The following KANK1 variants were observed in gnomAD, a reference collection of about 807,000 sequenced individuals.
KANK1 encodes KN motif and ankyrin repeat domain-containing protein 1.
In KANK1, 109 loss-of-function variants were observed where a neutral mutation model predicts 106.2. The observed-to-expected ratio is 1.03, with a 90% CI of 0.88 to 1.20. The LOEUF (loss-of-function observed/expected upper bound fraction) is 1.20. KANK1 is among the 50% of genes most tolerant of loss of function. The probability of loss-of-function intolerance (pLI) is 0.00; values close to 1 mark genes in which losing one functional copy is unlikely to be tolerated. For synonymous variants in KANK1, 873 were observed against 652.2 expected, an observed-to-expected ratio of 1.34 and a Z score of -5.16; for missense variants, 2,399 against 1,710.7, an observed-to-expected ratio of 1.40 and a Z score of -7.10.
chr9:693,868 CTGTG>C, intron 2 of KANK1: 1 of 940,354 alleles, frequency 1.1e-6, no homozygotes, highest in Non-Finnish European at 1.3e-6. Flanking sequence ...AACTCGAGCT[CTGTG>C]TGTTGTGAAA....
intron 11 of KANK1, 59 bp downstream of exon 11, chr9:744,648 C>G: frequency 6.2e-7 from 1 of 1,613,564 alleles, no homozygotes; most frequent in Non-Finnish European, 8.5e-7. Flanking sequence ...CTGGTGGACC[C>G]CCTTCCTCCA....
At chr9:511,477 A>C (rs1465664120) in intron 1 of KANK1, among the ~76,000 whole-genome samples, 5 of 152,196 alleles carry the variant, frequency 3.3e-5, no homozygotes, top group African/African-American at 9.7e-5. Context: ...TCTGTGTGTC[A>C]ATTTCCCATC....
At chr9:745,130 G>A (rs1199093943) in intron 11 of KANK1, 43 bp from the exon 12 acceptor site, 1 of 1,607,910 alleles carries the variant, frequency 6.2e-7, no homozygotes, top group Non-Finnish European at 8.5e-7. Context: ...TCTGCCTGAG[G>A]TCACTTATTA....
chr9:713,570 A>G lies in KANK1; in HGVS notation c.2698+106A>G, dbSNP rs972660858. The G allele has an allele frequency of 1.0e-5, 13 of 1,267,504 alleles. No individual in the cohort carries two copies. In the South Asian group the frequency reaches 2.0e-4, roughly 20 times the overall value. 78.5% of individuals were successfully genotyped at this position (1,267,504 alleles called of 1,614,324 possible). A position where few individuals can be genotyped will look rare whatever the true frequency, so the allele number is the denominator to read the frequency against. ...TGCTGGAACCATTTTTGGAGGAGAAATGGAGAAAGTTTTAGAGTGGTAATC... is the reference window on the plus strand; with the variant it reads ...TGCTGGAACCATTTTTGGAGGAGAAGTGGAGAAAGTTTTAGAGTGGTAATC... On this transcript the variant is annotated intron_variant, in intron 3 of 11. Coordinates refer to ENST00000382297, the MANE Select transcript of KANK1 (RefSeq NM_015158.5).
chr9:637,055 C>A (rs1486826610), intron 1 of KANK1, among the ~76,000 whole-genome samples: 2 of 151,992 alleles, frequency 1.3e-5, no homozygotes, highest in African/African-American at 4.8e-5. Flanking sequence ...AGTTATGTGC[C>A]CCTTCTCTCC....
rs993237810 is a variant in KANK1 at position 608,038 on chromosome 9, T to A, written c.-83-68852T>A. Among the ~76,000 whole-genome samples, 4 of 137,542 alleles carry A rather than the reference T, an allele frequency of 2.9e-5. No homozygotes were observed. In the East Asian group the frequency reaches 8.1e-4, roughly 28 times the overall value. The allele number at this position is 137,542 out of a possible 152,430, so 90.2% of individuals were successfully genotyped here. On this transcript the variant is annotated intron_variant, in intron 1 of 11. Coordinates refer to ENST00000382297, the MANE Select transcript of KANK1 (RefSeq NM_015158.5). ...ATTATTATTATTATTATTATTATTT[T>A]TTTTTTTTTTGAGACGGAGTCTCGC...
At chr9:606,393 C>T (rs1829168263) in intron 1 of KANK1, among the ~76,000 whole-genome samples, 2 of 141,166 alleles carry the variant, frequency 1.4e-5, no homozygotes, top group Non-Finnish European at 2.9e-5. Context: ...CCCGTCTCTA[C>T]TAAAAATACA....
chr9:704,985 C>A lies in KANK1; in HGVS notation c.38-5819C>A, dbSNP rs115653130. The stretch of plus-strand genomic sequence containing the variant: ...TCCAGCCTGGGCAACAGAGTCGGAC[C>A]CTGTCTCAAAAAAAAAAAAAAAAAA... On this transcript the variant is annotated intron_variant, in intron 2 of 11. Coordinates refer to ENST00000382297, the MANE Select transcript of KANK1 (RefSeq NM_015158.5). 8.6e-3 allele frequency among the ~76,000 whole-genome samples: 934 copies of A among 108,758 alleles called. 13 individuals are homozygous for A. Among genetic ancestry groups the A allele is most frequent in the African/African-American group, 0.032 (850 of 26,614 alleles). The allele number at this position is 108,758 out of a possible 152,430, so 71.3% of individuals were successfully genotyped here.
At chr9:719,754 C>A (rs1293862274) in intron 3 of KANK1, among the ~76,000 whole-genome samples, 5 of 150,460 alleles carry the variant, frequency 3.3e-5, no homozygotes, top group African/African-American at 1.2e-4. Flanking sequence ...TTTTTTTTTT[C>A]TTTTTTTAAG....
At chr9:614,582 G>A (rs1392645883) in intron 1 of KANK1, among the ~76,000 whole-genome samples, 1 of 152,070 alleles carries the variant, frequency 6.6e-6, no homozygotes, top group African/African-American at 2.4e-5. Context: ...GGACTGTCTC[G>A]TGTGCGGCAG....
At chr9:718,079 G>A (rs1012063266) in intron 3 of KANK1, among the ~76,000 whole-genome samples, 2 of 152,090 alleles carry the variant, frequency 1.3e-5, no homozygotes, top group African/African-American at 4.8e-5. Flanking sequence ...TACAAAATAC[G>A]TTTCTAGGTA....
intron 1 of KANK1, among the ~76,000 whole-genome samples, chr9:533,722 C>T (rs1261117114): frequency 6.6e-6 from 1 of 152,152 alleles, no homozygotes; most frequent in Non-Finnish European, 1.5e-5. Flanking sequence ...TTTCTAGTTC[C>T]TGATAGAGTG....
chr9:711,409 G>A lies in KANK1; in HGVS notation c.643G>A (p.Gly215Arg), dbSNP rs1732973668. The A allele has an allele frequency of 1.2e-6, 2 of 1,614,144 alleles. No individual in the cohort carries two copies. The highest frequency in any genetic ancestry group is 1.7e-6 in the Non-Finnish European group (2 of 1,180,018). ...HNPAKHQLQNGYQGNGDYGSY... is the reference protein window; with the variant it reads ...HNPAKHQLQNRYQGNGDYGSY... ...TCCTGCCAAGCACCAGCTTCAGAAT[G>A]GATACCAAGGTAATGGGGATTATGG... The change falls in exon 3 of 12, where the codon GGA becomes AGA. Residue 215 changes from glycine to arginine, a missense_variant. By Grantham distance (125) the Gly-to-Arg change is moderately radical (BLOSUM62 -2). Transcript: ENST00000382297.
At chr9:636,589 TG>T (rs1837191172) in intron 1 of KANK1, among the ~76,000 whole-genome samples, 1 of 152,116 alleles carries the variant, frequency 6.6e-6, no homozygotes, top group East Asian at 1.9e-4. Flanking sequence ...CCTTCCTGGC[TG>T]GGTGCGGTGG....
chr9:500,979 T>C (rs10118798), upstream of KANK1, among the ~76,000 whole-genome samples: 35,844 of 152,110 alleles, frequency 0.24, 9,813 homozygotes, highest in African/African-American at 0.67. Context: ...AGTTACTGAA[T>C]GACTTTCTTC....
intron 1 of KANK1, among the ~76,000 whole-genome samples, chr9:580,318 C>T (rs927606012): frequency 6.6e-6 from 1 of 152,080 alleles, no homozygotes; most frequent in Non-Finnish European, 1.5e-5. Context: ...AGCGCGGACC[C>T]GAAGAGTGAG....
At position 631,752 on chromosome 9, in the gene KANK1, C is replaced by G. The variant is rs147845852; in HGVS notation, c.-83-45138C>G. Among the ~76,000 whole-genome samples, 95 of 152,286 alleles carry G rather than the reference C, an allele frequency of 6.2e-4. 1 individual carries two copies. Among genetic ancestry groups the G allele is most frequent in the African/African-American group, 2.3e-3 (94 of 41,548 alleles). ...CTTGCATATTTAACTCCTCACACAC[C>G]CCATTCTGTGGTCTCTTCTTCCCTT... On this transcript the variant is annotated intron_variant, in intron 1 of 11. Transcript: ENST00000382297.
intron 1 of KANK1, among the ~76,000 whole-genome samples, chr9:560,537 A>T (rs529530703): frequency 9.2e-5 from 14 of 152,354 alleles, no homozygotes; most frequent in African/African-American, 3.1e-4. Flanking sequence ...GCCAGGAGCG[A>T]AATGTCTTTG....
At chr9:661,961 T>C (rs1330940507) in intron 1 of KANK1, among the ~76,000 whole-genome samples, 1 of 152,196 alleles carries the variant, frequency 6.6e-6, no homozygotes. Context: ...CGCCCACTTT[T>C]TGATGGGGTT....
Sources: gnomAD v4.1 joint callset for allele counts (sites outside exome capture counted in the v4.1 genomes callset) on GRCh38, gnomAD v4.1.1 for gene constraint, MANE v1.5 for transcripts, NCBI Gene and HGNC (gene_info 2026-07-23, HGNC 2026-07-21) for gene names.